The following GTF2IRD1 variants were observed in gnomAD, a reference collection of about 807,000 sequenced individuals.
GTF2IRD1 encodes GTF2I repeat domain containing 1, also known as general transcription factor II-I repeat domain-containing protein 1.
Under a neutral mutation model 113.2 loss-of-function variants are expected in GTF2IRD1, and 26 were observed. The ratio of observed to expected loss-of-function variants is 0.23; its 90% CI spans 0.17 to 0.32. The LOEUF is 0.32. GTF2IRD1 is among the 10% of genes least tolerant of loss of function. The pLI is 1.00. For missense variants in GTF2IRD1, 864 were observed against 1,280.8 expected, an observed-to-expected ratio of 0.67 and a Z score of 4.97; for synonymous variants, 484 against 529.1, an observed-to-expected ratio of 0.91 and a Z score of 1.17.
intron 1 of GTF2IRD1, among the ~76,000 whole-genome samples, chr7:74,505,129 C>T (rs942242175): frequency 9.9e-5 from 15 of 152,144 alleles, no homozygotes; most frequent in African/African-American, 1.2e-4. Context: ...AAGCAGTCCT[C>T]CCGCCTCGGC....
Position 74,536,258 on chromosome 7 carries a change from C to A in GTF2IRD1, c.1392C>A (p.Asp464Glu). The change falls in exon 11 of 27, where the codon GAC (aspartate) becomes GAA (glutamate). Residue 464 changes from aspartate (D) to glutamate (E), a missense_variant. Asp to Glu is a conservative substitution (Grantham distance 45). Coordinates refer to ENST00000424337, the MANE Select transcript of GTF2IRD1 (RefSeq NM_005685.4). ...SAEVSRATVL[D>E]LAGNARSDKG... ...AGGTCTCTAGGGCCACCGTCCTTGA[C>A]CTTGCTGGGAATGCTCGGTGAGGCC... is the stretch of plus-strand genomic sequence containing the variant. 6.2e-7 allele frequency: 1 copy of A among 1,608,876 alleles called. No individual in the cohort carries two copies. The highest frequency in any genetic ancestry group is 8.5e-7 in the Non-Finnish European group (1 of 1,175,440).
chr7:74,554,008 G>T (rs1285503494), intron 17 of GTF2IRD1, among the ~76,000 whole-genome samples: 4 of 152,170 alleles, frequency 2.6e-5, no homozygotes, highest in Non-Finnish European at 4.4e-5. Context: ...CCCACCGCCA[G>T]AGCGGGCACC....
chr7:74,494,150 C>T (rs532434298), intron 1 of GTF2IRD1, among the ~76,000 whole-genome samples: 17 of 152,370 alleles, frequency 1.1e-4, no homozygotes, highest in African/African-American at 2.9e-4. Flanking sequence ...CCAGATGGGT[C>T]TTACTCAATC....
At chr7:74,597,341 CTT>C (rs79382591) in intron 25 of GTF2IRD1, among the ~76,000 whole-genome samples, 45 of 134,214 alleles carry the variant, frequency 3.4e-4, no homozygotes, top group Non-Finnish European at 3.8e-4. Flanking sequence ...TGCTACCGGC[CTT>C]TTTTTTTTTT....
At chr7:74,530,043 C>G (rs1797867099) in intron 9 of GTF2IRD1, 126 bp downstream of exon 9, 1 of 629,168 alleles carries the variant, frequency 1.6e-6, no homozygotes, top group Admixed American at 2.9e-5. Flanking sequence ...AACCCCGTCT[C>G]TATTAACAAT....
intron 22 of GTF2IRD1, among the ~76,000 whole-genome samples, chr7:74,582,819 A>T (rs1801494808): frequency 6.6e-6 from 1 of 151,856 alleles, no homozygotes; most frequent in Non-Finnish European, 1.5e-5. Context: ...CCCCTACTCC[A>T]TTTCCTTCAA....
At chr7:74,493,468 A>G (rs1267460554) in intron 1 of GTF2IRD1, among the ~76,000 whole-genome samples, 2 of 152,138 alleles carry the variant, frequency 1.3e-5, no homozygotes, top group Non-Finnish European at 2.9e-5. Flanking sequence ...CGGCTAAGCC[A>G]GAATAATCCC....
chr7:74,542,848 T>A (rs1307976087), intron 14 of GTF2IRD1, among the ~76,000 whole-genome samples: 1 of 152,024 alleles, frequency 6.6e-6, no homozygotes, highest in Non-Finnish European at 1.5e-5. Context: ...ACTGCAGGGG[T>A]TGGGGGCCTT....
intron 9 of GTF2IRD1, among the ~76,000 whole-genome samples, chr7:74,531,970 C>T (rs782664884): frequency 1.3e-5 from 2 of 152,160 alleles, no homozygotes; most frequent in Non-Finnish European, 2.9e-5. Context: ...GGGTTCACAC[C>T]TCAGGGGCAG....
chr7:74,518,557 G>A (rs1291831058), intron 5 of GTF2IRD1, among the ~76,000 whole-genome samples: 1 of 152,172 alleles, frequency 6.6e-6, no homozygotes, highest in East Asian at 1.9e-4. Context: ...ATTGCAGAGA[G>A]ACTTGAAGAG....
At chr7:74,468,305 C>T (rs577079544) in intron 1 of GTF2IRD1, among the ~76,000 whole-genome samples, 18 of 151,614 alleles carry the variant, frequency 1.2e-4, no homozygotes, top group Admixed American at 5.9e-4. Context: ...AGTTTGAGAC[C>T]GGCCTGGGCA....
chr7:74,535,259 T>A (rs1554349957), intron 10 of GTF2IRD1, 121 bp downstream of exon 10: 2 of 785,556 alleles, frequency 2.5e-6, no homozygotes, highest in African/African-American at 1.7e-5. Flanking sequence ...GGAGGGAGGC[T>A]GGGCTGTGGT....
intron 1 of GTF2IRD1, among the ~76,000 whole-genome samples, chr7:74,458,735 A>G (rs1201193059): frequency 2.0e-4 from 31 of 151,252 alleles, no homozygotes; most frequent in African/African-American, 7.5e-4. Flanking sequence ...ACTCACTGCA[A>G]CTTCCACCTC....
rs1583835740 is a variant in GTF2IRD1 at position 74,540,773 on chromosome 7, A to G, written c.1618+805A>G. On this transcript the variant is annotated intron_variant, in intron 14 of 26. Transcript: ENST00000424337. ...AGATCAGCCTGGGCAACATAGAGAG[A>G]CCCATCTCTTAAATTTTTTGAGATG... Among the ~76,000 whole-genome samples the G allele has an allele frequency of 2.0e-5, 3 of 151,744 alleles. No individual in the cohort carries two copies. In the South Asian group the frequency reaches 6.2e-4, roughly 32 times the overall value.
In GTF2IRD1 at chr7:74,517,001, T is replaced by TTTTTTG. The variant is rs1554344715; in HGVS notation, c.422-1136_422-1135insTTTGTT. Among the ~76,000 whole-genome samples the TTTTTTG allele has an allele frequency of 5.8e-3, 520 of 90,240 alleles. 5 individuals carry two copies. The highest frequency in any genetic ancestry group is 0.025 in the African/African-American group (445 of 18,056). The allele number at this position is 90,240 out of a possible 152,430, so 59.2% of individuals were successfully genotyped here. A position where few individuals can be genotyped will look rare whatever the true frequency, so the allele number is the denominator to read the frequency against. ...CTGTCTCTTTCTCCTCTCTCCTGTC[T>TTTTTTG]TTGTTGTTGTTGTTGTTGTTGTTGT... On this transcript the variant is annotated intron_variant, in intron 4 of 26. Transcript: ENST00000424337.
intron 17 of GTF2IRD1, among the ~76,000 whole-genome samples, chr7:74,552,269 G>A (rs1395646057): frequency 2.0e-5 from 3 of 152,164 alleles, no homozygotes; most frequent in South Asian, 2.1e-4. Flanking sequence ...TGTAATCCCA[G>A]CACTTTGTGG....
chr7:74,472,864 G>C (rs1056207630), intron 1 of GTF2IRD1, among the ~76,000 whole-genome samples: 1 of 152,246 alleles, frequency 6.6e-6, no homozygotes, highest in Non-Finnish European at 1.5e-5. Flanking sequence ...TCCTGCTCCT[G>C]GTTCGGGAGG....
At chr7:74,496,348 G>T in intron 1 of GTF2IRD1, among the ~76,000 whole-genome samples, 3 of 105,854 alleles carry the variant, frequency 2.8e-5, no homozygotes, top group South Asian at 2.9e-4. Flanking sequence ...GTATGTGCAT[G>T]TGTGTGTGGG....
In GTF2IRD1 at chr7:74,508,115, C is replaced by T. The variant is rs782798877; in HGVS notation, c.35C>T (p.Thr12Ile). The T allele has an allele frequency of 1.9e-6, 3 of 1,610,692 alleles. No homozygotes were observed. The highest frequency in any genetic ancestry group is 2.5e-6 in the Non-Finnish European group (3 of 1,179,932). ...CTGGGTAAGCGCTGTGACGTCCCCACCAACGGCTGCGGACCCGACCGCTGG... is the reference window on the plus strand; with the variant it reads ...CTGGGTAAGCGCTGTGACGTCCCCATCAACGGCTGCGGACCCGACCGCTGG... ...ALLGKRCDVP[T>I]NGCGPDRWNS... The change falls in exon 2 of 27, where the codon ACC (threonine) becomes ATC (isoleucine). Residue 12 changes from threonine to isoleucine, a missense_variant. Physicochemically the swap from Thr to Ile is moderately conservative, Grantham distance 89. This residue lies in a region of GTF2IRD1 where 182 missense variants were observed against 266.6 expected (regional missense o/e 0.68). Coordinates refer to ENST00000424337, the MANE Select transcript of GTF2IRD1 (RefSeq NM_005685.4).
Sources: gnomAD v4.1 joint callset for allele counts (sites outside exome capture counted in the v4.1 genomes callset) on GRCh38, gnomAD v4.1.1 for gene constraint, gnomAD v4.1.1 regional missense constraint, MANE v1.5 for transcripts, NCBI Gene and HGNC (gene_info 2026-07-23, HGNC 2026-07-21) for gene names.